SPTBN1: variants seen among roughly 807,000 people sequenced by gnomAD.
SPTBN1 encodes spectrin beta, non-erythrocytic 1, also known as spectrin beta chain, non-erythrocytic 1.
Under a neutral mutation model 266.4 loss-of-function variants are expected in SPTBN1, and 32 were observed. That is an observed-to-expected ratio of 0.12 (90% CI 0.09 to 0.16). SPTBN1 has a LOEUF of 0.16. Ranked by LOEUF, SPTBN1 falls within the 10% of genes least tolerant of loss-of-function variation. SPTBN1 has a pLI of 1.00. For synonymous variants in SPTBN1, 1,336 were observed against 1,162.2 expected (o/e 1.15, Z -3.04); for missense variants, 2,296 against 3,067.1 (o/e 0.75, Z 5.94).
chr2:54,562,703 TG>T (rs1673392939), intron 2 of SPTBN1, among the ~76,000 whole-genome samples: 1 of 146,888 alleles, frequency 6.8e-6, no homozygotes, highest in Non-Finnish European at 1.5e-5. Context: ...GCTTTGTGTG[TG>T]TGTGTGTGTG....
At chr2:54,622,221 T>A in intron 8 of SPTBN1, 79 bp from the exon 9 acceptor site, 273 of 1,354,944 alleles carry the variant, frequency 2.0e-4, no homozygotes, top group Middle Eastern at 2.4e-4. Context: ...TTTGTGTGCA[T>A]GCACTCGTAT....
chr2:54,643,178 G>A (rs768212955), intron 19 of SPTBN1, 49 bp downstream of exon 19: 2 of 1,607,688 alleles, frequency 1.2e-6, no homozygotes, highest in South Asian at 2.2e-5. Context: ...AAACAGGGTA[G>A]TAATAAACTC....
At chr2:54,575,155 GT>G (rs1011541097) in intron 2 of SPTBN1, among the ~76,000 whole-genome samples, 1 of 152,112 alleles carries the variant, frequency 6.6e-6, no homozygotes, top group Non-Finnish European at 1.5e-5. Flanking sequence ...AGATTTTGAG[GT>G]TTTTTTTGTT....
At chr2:54,607,803 G>A (rs1344250116) in intron 3 of SPTBN1, among the ~76,000 whole-genome samples, 1 of 152,112 alleles carries the variant, frequency 6.6e-6, no homozygotes, top group East Asian at 1.9e-4. Context: ...TTTTCTACTT[G>A]TGGTAGGCCT....
At chr2:54,510,372 C>T (rs942525124) in intron 1 of SPTBN1, among the ~76,000 whole-genome samples, 2 of 152,204 alleles carry the variant, frequency 1.3e-5, no homozygotes, top group African/African-American at 4.8e-5. Flanking sequence ...TTAGGGGTTA[C>T]TCCTACAACA....
chr2:54,657,403 T>C (rs1027747591), intron 29 of SPTBN1, among the ~76,000 whole-genome samples: 8 of 152,346 alleles, frequency 5.3e-5, no homozygotes, highest in Admixed American at 2.0e-4. Context: ...GAGCGTTCAC[T>C]GTAGACCTGC....
intron 1 of SPTBN1, among the ~76,000 whole-genome samples, chr2:54,495,468 A>C (rs1668917829): frequency 6.6e-6 from 1 of 152,206 alleles, no homozygotes. Flanking sequence ...CTACATTGGA[A>C]TCCTACCTGT....
intron 1 of SPTBN1, among the ~76,000 whole-genome samples, chr2:54,502,279 G>A (rs1669315735): frequency 6.6e-6 from 1 of 152,046 alleles, no homozygotes; most frequent in South Asian, 2.1e-4. Context: ...AGTCTTCTCA[G>A]GAGCCTGTCA....
intron 5 of SPTBN1, 126 bp from the exon 6 acceptor site, chr2:54,617,482 T>A (rs1196617573): frequency 4.1e-6 from 3 of 727,072 alleles, no homozygotes; most frequent in Non-Finnish European, 6.8e-6. Context: ...TTGATTGTCC[T>A]TAGTGATATT....
intron 2 of SPTBN1, among the ~76,000 whole-genome samples, chr2:54,583,285 C>T (rs1240077888): frequency 6.6e-6 from 1 of 152,144 alleles, no homozygotes; most frequent in Non-Finnish European, 1.5e-5. Flanking sequence ...GTTAATAAGG[C>T]TGGTGTCAGT....
At chr2:54,520,934 G>C (rs979326068) in intron 1 of SPTBN1, among the ~76,000 whole-genome samples, 1 of 151,944 alleles carries the variant, frequency 6.6e-6, no homozygotes, top group African/African-American at 2.4e-5. Flanking sequence ...GTCCTTTCTG[G>C]GTTTCCTAAT....
intron 3 of SPTBN1, among the ~76,000 whole-genome samples, chr2:54,602,851 G>C (rs1676590353): frequency 6.6e-6 from 1 of 152,168 alleles, no homozygotes; most frequent in Non-Finnish European, 1.5e-5. Context: ...ACTGCTCTGA[G>C]TTTTTTCATA....
At chr2:54,638,222 G>A (rs577765342) in intron 18 of SPTBN1, among the ~76,000 whole-genome samples, 3 of 152,204 alleles carry the variant, frequency 2.0e-5, no homozygotes, top group African/African-American at 7.2e-5. Context: ...CATTTCTGTC[G>A]TCAAAGGAAG....
At position 54,622,405 on chromosome 2, in the gene SPTBN1, C is replaced by T. The variant is rs772951380; in HGVS notation, c.982C>T (p.Arg328Cys). The T allele has an allele frequency of 4.3e-6, 7 of 1,614,074 alleles. No individual in the cohort carries two copies. The highest frequency in any genetic ancestry group is 1.6e-4 in the Middle Eastern group (1 of 6,084). Residue 328 changes from arginine to cysteine, a missense_variant, in exon 9 of 36, where the codon CGC becomes TGC. Physicochemically the swap from Arg to Cys is radical, Grantham distance 180 (BLOSUM62 -3). This residue lies in a region of SPTBN1 where 148 missense variants were observed against 203.8 expected (regional missense o/e 0.73). Coordinates refer to ENST00000356805, the MANE Select transcript of SPTBN1 (RefSeq NM_003128.3). ...IEQTIIILNN[R>C]KFANSLVGVQ... Reference sequence around the variant, plus strand: ...ACAAACCATCATCATTCTGAACAATCGCAAATTTGCCAATTCACTGGTCGG... The same window carrying T: ...ACAAACCATCATCATTCTGAACAATTGCAAATTTGCCAATTCACTGGTCGG...
Position 54,668,338 on chromosome 2 carries a change from T to A in SPTBN1, c.6877-13T>A, listed in dbSNP as rs757995601. ...CTTAGTTGAGTCTCACCTGTGTCCCTTCCTCTGTCCAGGAGGAAATGAACA... is the reference window on the plus strand; with the variant it reads ...CTTAGTTGAGTCTCACCTGTGTCCCATCCTCTGTCCAGGAGGAAATGAACA... On this transcript the variant is annotated splice_polypyrimidine_tract_variant and intron_variant, in intron 35 of 35. Coordinates refer to ENST00000356805, the MANE Select transcript of SPTBN1 (RefSeq NM_003128.3). 1 of 1,613,536 alleles carries A rather than the reference T, an allele frequency of 6.2e-7. No individual in the cohort carries two copies. The highest frequency in any genetic ancestry group is 8.5e-7 in the Non-Finnish European group (1 of 1,179,420).
chr2:54,560,677 T>C (rs557565669), intron 2 of SPTBN1, among the ~76,000 whole-genome samples: 1 of 152,248 alleles, frequency 6.6e-6, no homozygotes, highest in African/African-American at 2.4e-5. Context: ...TTTTTTAGTG[T>C]GACCCTTGTC....
intron 2 of SPTBN1, among the ~76,000 whole-genome samples, chr2:54,569,725 T>G (rs1673923420): frequency 6.6e-6 from 1 of 152,180 alleles, no homozygotes; most frequent in African/African-American, 2.4e-5. Flanking sequence ...GTAATGAGAT[T>G]GTTGTAAGAA....
rs557885571 is a variant in SPTBN1, at chr2:54,567,309, A to G, written c.149-31783A>G. The stretch of plus-strand genomic sequence containing the variant: ...AGGTAAAGGAGTTTGGACGTAAGGC[A>G]GTGGGAAGGTACTGGAGGATTTTTA... On this transcript the variant is annotated intron_variant, in intron 2 of 35. Coordinates refer to ENST00000356805, the MANE Select transcript of SPTBN1 (RefSeq NM_003128.3). Among the ~76,000 whole-genome samples the G allele has an allele frequency of 7.9e-5, 12 of 152,298 alleles. No homozygotes were observed. The South Asian group carries it at 1.9e-3, about 24-fold the overall frequency.
chr2:54,606,650 A>G (rs1676859778), intron 3 of SPTBN1, among the ~76,000 whole-genome samples: 1 of 152,202 alleles, frequency 6.6e-6, no homozygotes, highest in South Asian at 2.1e-4. Context: ...ACGTTTCAGC[A>G]TGAGAAATGA....
Sources: gnomAD v4.1 joint callset for allele counts (sites outside exome capture counted in the v4.1 genomes callset) on GRCh38, gnomAD v4.1.1 for gene constraint, gnomAD v4.1.1 regional missense constraint, MANE v1.5 for transcripts, NCBI Gene and HGNC (gene_info 2026-07-23, HGNC 2026-07-21) for gene names.